Variants in KIAA0825 observed in about 807,000 individuals in gnomAD.
KIAA0825 encodes uncharacterized protein KIAA0825.
Under a neutral mutation model 147.6 loss-of-function variants are expected in KIAA0825, and 119 were observed. That is an observed-to-expected ratio of 0.81 (90% CI 0.69 to 0.94). The LOEUF (loss-of-function observed/expected upper bound fraction) is 0.94, where lower values mean the gene tolerates loss of function less well. Among genes scored for constraint, KIAA0825 ranks in the 40% least tolerant of loss-of-function variants. KIAA0825 has a pLI of 0.00. For synonymous variants in KIAA0825, 470 were observed against 518.1 expected (o/e 0.91, Z 1.26); for missense variants, 1,381 against 1,472.7 (o/e 0.94, Z 1.02).
chr5:94,415,313 A>G (rs1584425763), intron 15 of KIAA0825: 1 of 152,164 alleles, frequency 6.6e-6, no homozygotes, highest in Non-Finnish European at 1.5e-5. Context: ...TAGATACTGA[A>G]GCATAGATCT....
At chr5:94,324,469 A>G (rs1780488968) in intron 20 of KIAA0825, among the ~76,000 whole-genome samples, 1 of 151,978 alleles carries the variant, frequency 6.6e-6, no homozygotes, top group Admixed American at 6.6e-5. Context: ...TTGGGATTTG[A>G]GTTTAAAAAT....
chr5:94,285,778 T>C (rs1777643670), intron 20 of KIAA0825, among the ~76,000 whole-genome samples: 1 of 152,142 alleles, frequency 6.6e-6, no homozygotes, highest in Non-Finnish European at 1.5e-5. Flanking sequence ...ATGGTATCAC[T>C]TTTGATCCTC....
At chr5:94,230,057 C>T (rs980535671) in intron 20 of KIAA0825, among the ~76,000 whole-genome samples, 2 of 152,010 alleles carry the variant, frequency 1.3e-5, no homozygotes, top group East Asian at 1.9e-4. Flanking sequence ...GATATGTGTT[C>T]GTGGGTAAGC....
At chr5:94,341,486 C>T (rs1473795249) in intron 20 of KIAA0825, among the ~76,000 whole-genome samples, 2 of 152,132 alleles carry the variant, frequency 1.3e-5, no homozygotes, top group African/African-American at 2.4e-5. Flanking sequence ...ATCTGAATCA[C>T]GGAATTGATC....
intron 20 of KIAA0825, among the ~76,000 whole-genome samples, chr5:94,225,475 C>A (rs560696141): frequency 6.6e-6 from 1 of 152,120 alleles, no homozygotes. Context: ...CTAACGCCAA[C>A]GTAATGGTTA....
chr5:94,453,203 T>C, intron 12 of KIAA0825, 134 bp from the exon 13 acceptor site: 2 of 589,310 alleles, frequency 3.4e-6, no homozygotes, highest in Non-Finnish European at 5.9e-6. Flanking sequence ...GACAGAGTCT[T>C]GCTCTGTCGC....
chr5:94,442,131 G>A (rs1431557358), intron 13 of KIAA0825, among the ~76,000 whole-genome samples: 1 of 152,144 alleles, frequency 6.6e-6, no homozygotes. Context: ...AAAAAATGAT[G>A]AGGATGCTTT....
chr5:94,166,610 C>T (rs1255800591), intron 20 of KIAA0825, among the ~76,000 whole-genome samples: 1 of 150,144 alleles, frequency 6.7e-6, no homozygotes, highest in Non-Finnish European at 1.5e-5. Flanking sequence ...CGGGTTCACG[C>T]CATTCTCCTG....
At chr5:94,219,579 A>C (rs1472589794) in intron 20 of KIAA0825, among the ~76,000 whole-genome samples, 1 of 152,090 alleles carries the variant, frequency 6.6e-6, no homozygotes, top group African/African-American at 2.4e-5. Context: ...CATCATATAG[A>C]GTGGACCTAC....
At chr5:94,599,256 A>T (rs1329930569) in intron 1 of KIAA0825, among the ~76,000 whole-genome samples, 3 of 144,430 alleles carry the variant, frequency 2.1e-5, no homozygotes, top group Admixed American at 1.4e-4. Flanking sequence ...TCATATACTT[A>T]TTGGGCATTT....
At chr5:94,557,704 A>T (rs570506219) in intron 2 of KIAA0825, among the ~76,000 whole-genome samples, 55 of 152,316 alleles carry the variant, frequency 3.6e-4, no homozygotes, top group African/African-American at 1.2e-3. Flanking sequence ...ATAGCCAATC[A>T]TCTATCGCCT....
At chr5:94,383,755 A>C (rs1174484504) in intron 20 of KIAA0825, among the ~76,000 whole-genome samples, 1 of 151,420 alleles carries the variant, frequency 6.6e-6, no homozygotes, top group Non-Finnish European at 1.5e-5. Flanking sequence ...CTAGGCTGAA[A>C]TCATATTATC....
intron 13 of KIAA0825, among the ~76,000 whole-genome samples, 182 bp downstream of exon 13, chr5:94,452,777 C>CA (rs1237851621): frequency 2.0e-5 from 3 of 152,168 alleles, no homozygotes; most frequent in Admixed American, 6.5e-5. Context: ...TTATGAGGCC[C>CA]ATGCCTTTGA....
intron 5 of KIAA0825, among the ~76,000 whole-genome samples, chr5:94,511,817 G>C (rs1037762556): frequency 6.6e-6 from 1 of 151,412 alleles, no homozygotes; most frequent in Non-Finnish European, 1.5e-5. Context: ...ATGAAACCTT[G>C]TCTCTACTAA....
intron 17 of KIAA0825, 130 bp from the exon 18 acceptor site, chr5:94,391,824 T>A: frequency 1.3e-6 from 1 of 768,078 alleles, no homozygotes; most frequent in Non-Finnish European, 2.0e-6. Flanking sequence ...TACGCTGAAA[T>A]AGGTAAGCCT....
chr5:94,437,029 T>C (rs1756469260), intron 14 of KIAA0825, among the ~76,000 whole-genome samples: 2 of 152,120 alleles, frequency 1.3e-5, no homozygotes, highest in Non-Finnish European at 1.5e-5. Context: ...ACACTATTTA[T>C]TTAAAACTCC....
At chr5:94,274,744 T>C (rs1466425126) in intron 20 of KIAA0825, among the ~76,000 whole-genome samples, 1 of 152,186 alleles carries the variant, frequency 6.6e-6, no homozygotes, top group African/African-American at 2.4e-5. Context: ...TTTACTTCAC[T>C]GTAGCTTCCT....
chr5:94,617,526 T>C (rs1461881624), intron 1 of KIAA0825, among the ~76,000 whole-genome samples: 1 of 151,514 alleles, frequency 6.6e-6, no homozygotes, highest in Non-Finnish European at 1.5e-5. Flanking sequence ...ATGAGGAGCA[T>C]ACCCATAAAA....
chr5:94,447,527 A>G (rs185543213), intron 13 of KIAA0825, among the ~76,000 whole-genome samples: 141 of 152,208 alleles, frequency 9.3e-4, no homozygotes, highest in African/African-American at 3.3e-3. Flanking sequence ...TTCTTCACCA[A>G]CATGTGACAA....
Sources: gnomAD v4.1 joint callset for allele counts (sites outside exome capture counted in the v4.1 genomes callset) on GRCh38, gnomAD v4.1.1 for gene constraint, MANE v1.5 for transcripts, NCBI Gene and HGNC (gene_info 2026-07-23, HGNC 2026-07-21) for gene names.